The following TNN variants were observed in gnomAD, a reference collection of about 807,000 sequenced individuals.
TNN encodes the protein tenascin-N.
A neutral mutation model predicts 134.4 loss-of-function variants in TNN; 122 were observed. That is an observed-to-expected ratio of 0.91 (90% CI 0.78 to 1.06). The LOEUF (loss-of-function observed/expected upper bound fraction) is 1.06. TNN is among the 50% of genes least tolerant of loss of function. TNN has a pLI of 0.00. For missense variants in TNN, 1,739 were observed against 1,699.4 expected (o/e 1.02, Z -0.41); for synonymous variants, 710 against 670.3 (o/e 1.06, Z -0.91).
chr1:175,100,405 TC>T (rs1674691808), intron 9 of TNN, among the ~76,000 whole-genome samples: 1 of 152,244 alleles, frequency 6.6e-6, no homozygotes, highest in Non-Finnish European at 1.5e-5. Context: ...AACTGCTTAT[TC>T]AAGGCTTGGG....
rs1434577572 is a variant in TNN, at chr1:175,128,086, G to A, written c.3100G>A (p.Gly1034Ser). 1 of 1,614,128 alleles carries A rather than the reference G, an allele frequency of 6.2e-7. No individual in the cohort carries two copies. The highest frequency in any genetic ancestry group is 1.7e-5 in the Admixed American group (1 of 60,012). Residue 1034 changes from glycine (G) to serine (S), a missense_variant, in exon 14 of 19, where the codon GGC becomes AGC. Transcript: ENST00000239462. Reference sequence around the variant, plus strand: ...GTTTGCGTTGCAAGGCCTTGAGCAAGGCGCCACCTACCCTGTCTCCCTTGT... The same window carrying A: ...GTTTGCGTTGCAAGGCCTTGAGCAAAGCGCCACCTACCCTGTCTCCCTTGT... ...QRFALQGLEQ[G>S]ATYPVSLVAF...
At chr1:175,126,601 C>G (rs1025002498) in intron 12 of TNN, among the ~76,000 whole-genome samples, 1 of 152,126 alleles carries the variant, frequency 6.6e-6, no homozygotes, top group African/African-American at 2.4e-5. Context: ...ATCTGTGGCC[C>G]TCTTATCTTT....
intron 2 of TNN, among the ~76,000 whole-genome samples, chr1:175,078,177 C>T (rs1001410580): frequency 3.3e-5 from 5 of 152,122 alleles, no homozygotes; most frequent in Non-Finnish European, 7.4e-5. Context: ...GGCCTTGGAG[C>T]TAGACAAGAC....
intron 17 of TNN, among the ~76,000 whole-genome samples, chr1:175,138,642 C>T (rs1329561852): frequency 1.3e-5 from 2 of 152,202 alleles, no homozygotes; most frequent in East Asian, 1.9e-4. Flanking sequence ...AAGATCCTCA[C>T]TGCCTTTGGA....
chr1:175,117,429 T>G (rs968032553), intron 10 of TNN, among the ~76,000 whole-genome samples: 2 of 152,214 alleles, frequency 1.3e-5, no homozygotes, highest in Non-Finnish European at 2.9e-5. Context: ...TACATGGTCA[T>G]GTCCATCAAC....
Position 175,108,875 on chromosome 1 carries a change from C to G in TNN, c.2120-8064C>G, listed in dbSNP as rs556432309. Among the ~76,000 whole-genome samples, 386 of 150,804 alleles carry G rather than the reference C, an allele frequency of 2.6e-3. 4 individuals carry two copies. The highest frequency in any genetic ancestry group is 8.9e-3 in the African/African-American group (365 of 40,886). On this transcript the variant is annotated intron_variant, in intron 9 of 18. Transcript: ENST00000239462. ...TCCCCGCAAGCTGAGGGAGTGGGCTCCAGCCTTGGCCAGCCCAGAAAGGGG... is the reference window on the plus strand; with the variant it reads ...TCCCCGCAAGCTGAGGGAGTGGGCTGCAGCCTTGGCCAGCCCAGAAAGGGG...
At position 175,098,427 on chromosome 1, in the gene TNN, G is replaced by A. The variant is rs201064305; in HGVS notation, c.1951G>A (p.Val651Met). The change falls in exon 9 of 19, where the codon GTG becomes ATG. Residue 651 changes from valine (V) to methionine (M), a missense_variant. By Grantham distance (21) the Val-to-Met change is conservative. Coordinates refer to ENST00000239462, the MANE Select transcript of TNN (RefSeq NM_022093.2). ...DPVQAAIDKYVVRYTSAGGET... is the reference protein window; with the variant it reads ...DPVQAAIDKYMVRYTSAGGET... ...GGTGCAGGCCGCCATTGACAAGTAC[G>A]TGGTGCGCTACACCTCTGCTGGTGG... 1.6e-5 allele frequency: 26 copies of A among 1,614,084 alleles called. No individual in the cohort carries two copies. The highest frequency in any genetic ancestry group is 2.2e-5 in the East Asian group (1 of 44,902).
intron 9 of TNN, among the ~76,000 whole-genome samples, chr1:175,113,346 T>C (rs1170740601): frequency 2.0e-5 from 3 of 152,192 alleles, no homozygotes; most frequent in Non-Finnish European, 4.4e-5. Flanking sequence ...GTTGACAGCT[T>C]TTTTTCCACC....
intron 18 of TNN, among the ~76,000 whole-genome samples, chr1:175,146,485 T>C (rs572624657): frequency 1.3e-5 from 2 of 152,232 alleles, no homozygotes; most frequent in Non-Finnish European, 2.9e-5. Context: ...AGCTAATATC[T>C]AAACAGTCTA....
At chr1:175,112,452 CTGTTTGCTTT>C (rs1389419993) in intron 9 of TNN, among the ~76,000 whole-genome samples, 1 of 151,896 alleles carries the variant, frequency 6.6e-6, no homozygotes, top group Non-Finnish European at 1.5e-5. Flanking sequence ...ATAGCTACTC[CTGTTTGCTTT>C]TGGTTTCTGT....
In TNN at chr1:175,133,060, CAG is replaced by C. The variant is rs1344272271; in HGVS notation, c.3331-2777_3331-2776del. Among the ~76,000 whole-genome samples the C allele has an allele frequency of 7.2e-5, 11 of 152,262 alleles. No homozygotes were observed. In the East Asian group the frequency reaches 1.7e-3, roughly 24 times the overall value. On this transcript the variant is annotated intron_variant, in intron 15 of 18. Coordinates refer to ENST00000239462, the MANE Select transcript of TNN (RefSeq NM_022093.2). ...CTGAATGAATGCAAAGAAAAATAGG[CAG>C]AGAGAGAAATGCAATTCTAGCCTTT...
intron 4 of TNN, among the ~76,000 whole-genome samples, chr1:175,082,338 A>C (rs1674216375): frequency 6.6e-6 from 1 of 152,222 alleles, no homozygotes; most frequent in South Asian, 2.1e-4. Flanking sequence ...GGTTAAACAC[A>C]TTCTTATTTG....
At chr1:175,091,426 G>T (rs1013479646) in intron 6 of TNN, among the ~76,000 whole-genome samples, 2 of 152,178 alleles carry the variant, frequency 1.3e-5, no homozygotes, top group Non-Finnish European at 2.9e-5. Flanking sequence ...GCTGTTTCCT[G>T]GCTCTTCTCC....
rs1479825157 is a variant in TNN at position 175,080,261 on chromosome 1, T to C, written c.883T>C (p.Tyr295His). 2 of 1,614,132 alleles carry C rather than the reference T, an allele frequency of 1.2e-6. No individual in the cohort carries two copies. The highest frequency in any genetic ancestry group is 4.5e-5 in the East Asian group (2 of 44,878). Residue 295 changes from tyrosine (Y) to histidine (H), a missense_variant, in exon 4 of 19, where the codon TAC (tyrosine) becomes CAC (histidine). By Grantham distance (83) the Tyr-to-His change is moderately conservative. Coordinates refer to ENST00000239462, the MANE Select transcript of TNN (RefSeq NM_022093.2). ...CCAGGTGGATCACTACCTCCTCAGC[T>C]ACTACCCCCTGGGGAAGGAGCTCTC... is the stretch of plus-strand genomic sequence containing the variant. ...SSQVDHYLLS[Y>H]YPLGKELSGK...
At chr1:175,142,199 A>T (rs1675957213) in intron 17 of TNN, among the ~76,000 whole-genome samples, 2 of 152,314 alleles carry the variant, frequency 1.3e-5, no homozygotes, top group African/African-American at 2.4e-5. Flanking sequence ...CTGGAGACAG[A>T]CCTGTCTGCT....
At chr1:175,091,262 G>A (rs1674438502) in intron 6 of TNN, among the ~76,000 whole-genome samples, 1 of 152,232 alleles carries the variant, frequency 6.6e-6, no homozygotes, top group Non-Finnish European at 1.5e-5. Flanking sequence ...AGAACTGAGA[G>A]AAAAGGGAAG....
At chr1:175,075,870 A>G (rs185557132) in intron 1 of TNN, among the ~76,000 whole-genome samples, 84 of 152,262 alleles carry the variant, frequency 5.5e-4, no homozygotes, top group East Asian at 1.7e-3. Context: ...GCCTCTCACC[A>G]CGGGCAGGGA....
At chr1:175,070,251 A>G (rs1673885105) in intron 1 of TNN, among the ~76,000 whole-genome samples, 1 of 152,240 alleles carries the variant, frequency 6.6e-6, no homozygotes, top group Admixed American at 6.5e-5. Flanking sequence ...ATAAATGCAT[A>G]GAAAATGGTA....
chr1:175,126,873 G>C, intron 12 of TNN, 82 bp from the exon 13 acceptor site: 1 of 1,477,180 alleles, frequency 6.8e-7, no homozygotes, highest in Admixed American at 2.2e-5. Flanking sequence ...TTGAAAAGGG[G>C]AAAATATAAA....
Sources: allele counts gnomAD v4.1 joint callset (sites outside exome capture counted in the v4.1 genomes callset), GRCh38; gene constraint gnomAD v4.1.1; transcripts MANE v1.5; gene names NCBI Gene and HGNC (gene_info 2026-07-23, HGNC 2026-07-21).